Variants in BFSP1 observed in about 807,000 individuals in gnomAD.
BFSP1 encodes filensin.
A neutral mutation model predicts 43.9 loss-of-function variants in BFSP1; 38 were observed. The observed-to-expected ratio is 0.87, with a 90% CI of 0.67 to 1.14. BFSP1 has a LOEUF of 1.14. Ranked by LOEUF, BFSP1 falls within the 50% of genes most tolerant of loss-of-function variation. The pLI, the probability that BFSP1 is intolerant of heterozygous loss-of-function variation, is 0.00. For missense variants in BFSP1, 850 were observed against 875.1 expected (o/e 0.97, Z 0.36); for synonymous variants, 352 against 354.8 (o/e 0.99, Z 0.09).
At chr20:17,551,346 G>C (rs559328252) in intron 1 of BFSP1, among the ~76,000 whole-genome samples, 2 of 152,244 alleles carry the variant, frequency 1.3e-5, no homozygotes, top group East Asian at 3.9e-4. Flanking sequence ...ACTTTTAAAT[G>C]ACCAGATCTC....
chr20:17,550,761 C>T (rs186756116), intron 1 of BFSP1, among the ~76,000 whole-genome samples: 2 of 152,312 alleles, frequency 1.3e-5, no homozygotes, highest in East Asian at 3.9e-4. Flanking sequence ...GCGTGAGCCA[C>T]CGTACCTGGC....
At chr20:17,496,629 C>T (rs1227944081) in intron 7 of BFSP1, among the ~76,000 whole-genome samples, 1 of 152,128 alleles carries the variant, frequency 6.6e-6, no homozygotes, top group Non-Finnish European at 1.5e-5. Context: ...AATTAAATGC[C>T]TTGTGTTGCA....
intron 1 of BFSP1, among the ~76,000 whole-genome samples, chr20:17,537,984 G>T (rs2034656796): frequency 6.6e-6 from 1 of 151,420 alleles, no homozygotes; most frequent in South Asian, 2.1e-4. Context: ...GGCCGGGCAT[G>T]GTGGCACATG....
At chr20:17,564,731 G>A (rs74181970) in intron 1 of BFSP1, among the ~76,000 whole-genome samples, 15,151 of 151,772 alleles carry the variant, frequency 0.1, 869 homozygotes, top group African/African-American at 0.14. Flanking sequence ...TGGAATTATA[G>A]GCACCCACTA....
rs1219099684 is a variant in BFSP1, at chr20:17,517,052, G to T, written c.439-2236C>A. On this transcript the variant is annotated intron_variant, in intron 2 of 7. Transcript: ENST00000377873. ...AAAAGGAGTCTACTCTTCATCTTGT[G>T]TTGAGACTTCGTGGTGGTGCTAAGA... 3.3e-6 allele frequency: 3 copies of T among 897,302 alleles called. No homozygotes were observed. The East Asian group carries it at 7.2e-5, about 22-fold the overall frequency. 55.6% of individuals were successfully genotyped at this position (897,302 alleles called of 1,614,324 possible). A position where few individuals can be genotyped will look rare whatever the true frequency, so the allele number is the denominator to read the frequency against.
chr20:17,496,893 T>G, intron 7 of BFSP1, 45 bp downstream of exon 7: 3 of 1,459,326 alleles, frequency 2.1e-6, no homozygotes, highest in Non-Finnish European at 2.8e-6. Context: ...GCTTGGTTTT[T>G]TTCAAGACAG....
intron 5 of BFSP1, among the ~76,000 whole-genome samples, chr20:17,500,901 C>T (rs1425186495): frequency 6.6e-6 from 1 of 152,118 alleles, no homozygotes; most frequent in Non-Finnish European, 1.5e-5. Context: ...AAAAACAAAA[C>T]AAAACAAACA....
upstream of BFSP1, among the ~76,000 whole-genome samples, chr20:17,561,814 T>C (rs998239077): frequency 3.9e-5 from 6 of 152,140 alleles, no homozygotes; most frequent in African/African-American, 9.7e-5. Flanking sequence ...AATATTTAAT[T>C]TATTAGATGG....
At chr20:17,556,573 A>G (rs1325261297) in intron 1 of BFSP1, among the ~76,000 whole-genome samples, 1 of 152,150 alleles carries the variant, frequency 6.6e-6, no homozygotes, top group African/African-American at 2.4e-5. Context: ...CTATTGATCT[A>G]TCTATCTATC....
chr20:17,533,334 A>G (rs2034579000), upstream of BFSP1, among the ~76,000 whole-genome samples: 1 of 152,236 alleles, frequency 6.6e-6, no homozygotes. Flanking sequence ...TCACGAGAGC[A>G]AAACCAACAT....
chr20:17,548,189 A>C (rs2034838788), intron 1 of BFSP1, among the ~76,000 whole-genome samples: 1 of 150,618 alleles, frequency 6.6e-6, no homozygotes, highest in East Asian at 1.9e-4. Context: ...GCAAAAAAAA[A>C]AAAAAAAAAA....
rs182100548 is a variant in BFSP1 at position 17,529,851 on chromosome 20, T to G, written c.377+1102A>C. ...TGCAGTATTGGTGGAGGCATGCCAT[T>G]GCACACCTGCTGGAGTGCATCCTAT... On this transcript the variant is annotated intron_variant, in intron 1 of 7. Transcript: ENST00000377873. Among the ~76,000 whole-genome samples the G allele has an allele frequency of 3.3e-5, 5 of 152,340 alleles. No individual in the cohort carries two copies. In the East Asian group the frequency reaches 9.7e-4, roughly 29 times the overall value.
chr20:17,546,214 G>T (rs1198520646), intron 1 of BFSP1, among the ~76,000 whole-genome samples: 4 of 152,150 alleles, frequency 2.6e-5, no homozygotes, highest in African/African-American at 9.7e-5. Context: ...GGGGAAGCAG[G>T]CATGTCTTAC....
intron 5 of BFSP1, among the ~76,000 whole-genome samples, chr20:17,508,580 C>CAGCCTA (rs780858127): frequency 1.6e-4 from 24 of 152,138 alleles, no homozygotes; most frequent in Admixed American, 5.9e-4. Context: ...GACACTGGGG[C>CAGCCTA]AGCCTAAGCC....
intron 2 of BFSP1, 110 bp downstream of exon 2, chr20:17,524,738 G>A (rs1268215296): frequency 8.4e-7 from 1 of 1,194,678 alleles, no homozygotes; most frequent in South Asian, 1.2e-5. Context: ...TGCAAAAGAA[G>A]TAGTGACCGC....
chr20:17,515,694 T>A (rs2034183242), intron 2 of BFSP1, among the ~76,000 whole-genome samples: 2 of 152,216 alleles, frequency 1.3e-5, no homozygotes, highest in African/African-American at 4.8e-5. Context: ...GCATCTTCGG[T>A]GTGATATTAC....
intron 5 of BFSP1, among the ~76,000 whole-genome samples, chr20:17,506,318 G>A (rs935080605): frequency 9.2e-5 from 14 of 151,950 alleles, no homozygotes; most frequent in African/African-American, 1.7e-4. Context: ...CAGAGAAACC[G>A]ATAGGACCCA....
At position 17,494,734 on chromosome 20, in the gene BFSP1, C is replaced by A. The variant is rs1387538131; in HGVS notation, c.1338G>T (p.Arg446Ser). The change falls in exon 8 of 8, where the codon AGG becomes AGT. Residue 446 changes from arginine to serine, a missense_variant. Coordinates refer to ENST00000377873, the MANE Select transcript of BFSP1 (RefSeq NM_001195.5). ...GGCTTCTCACTTTCTCCTTGACCTT[C>A]CTGTATAGTTTCCCAAAGCCTTTGC... is the stretch of plus-strand genomic sequence containing the variant. The part of the protein sequence containing the change: ...QISKGFGKLY[R>S]KVKEKVRSPK... 1.9e-6 allele frequency: 3 copies of A among 1,614,030 alleles called. No individual in the cohort carries two copies.
intron 2 of BFSP1, 151 bp downstream of exon 2, chr20:17,524,697 T>C (rs2034383233): frequency 1.3e-6 from 1 of 778,402 alleles, no homozygotes; most frequent in African/African-American, 1.7e-5. Flanking sequence ...AAAGACTCAA[T>C]TGAAATTAAC....
Sources: gnomAD v4.1 joint callset for allele counts (sites outside exome capture counted in the v4.1 genomes callset) on GRCh38, gnomAD v4.1.1 for gene constraint, MANE v1.5 for transcripts, NCBI Gene and HGNC (gene_info 2026-07-23, HGNC 2026-07-21) for gene names.